Variants in CDC42BPA observed in about 807,000 individuals in gnomAD.
The protein encoded by CDC42BPA is serine/threonine-protein kinase MRCK alpha.
CDC42BPA carries 80 observed loss-of-function variants against 223.5 expected under a neutral mutation model. That is an observed-to-expected ratio of 0.36 (90% CI 0.30 to 0.43). The LOEUF is 0.43. CDC42BPA is among the 20% of genes least tolerant of loss of function. The pLI, the probability that CDC42BPA is intolerant of heterozygous loss-of-function variation, is 1.00. For synonymous variants in CDC42BPA, 694 were observed against 718.6 expected, an observed-to-expected ratio of 0.97 and a Z score of 0.55; for missense variants, 1,743 against 2,099.9, an observed-to-expected ratio of 0.83 and a Z score of 3.32.
chr1:227,088,259 T>C (rs1412991105), intron 16 of CDC42BPA, among the ~76,000 whole-genome samples: 4 of 152,226 alleles, frequency 2.6e-5, no homozygotes, highest in Admixed American at 6.5e-5. Flanking sequence ...GAAAATTAAA[T>C]GAGTTATATG....
chr1:227,071,682 T>C lies in CDC42BPA; in HGVS notation c.2827+526A>G, dbSNP rs551379827. Among the ~76,000 whole-genome samples, 8 of 149,832 alleles carry C rather than the reference T, an allele frequency of 5.3e-5. No homozygotes were observed. The South Asian group carries it at 1.7e-3, about 32-fold the overall frequency. ...AATTAATCTTCAGCTATTTCATACA[T>C]TGTTTCCTCAACTACCCTGAAAGTG... On this transcript the variant is annotated intron_variant, in intron 20 of 36. Coordinates refer to ENST00000366766, the MANE Select transcript of CDC42BPA (RefSeq NM_001394014.1).
In CDC42BPA at chr1:227,089,627, G is replaced by GTT. The variant is rs72110440; in HGVS notation, c.2355+2257_2355+2258dup. On this transcript the variant is annotated intron_variant, in intron 16 of 36. Coordinates refer to ENST00000366766, the MANE Select transcript of CDC42BPA (RefSeq NM_001394014.1). ...CAATTTAGCAAGAATGGGTAATTCC[G>GTT]TTTTTTTTTTTTTTTTTTTTTTTTA... 6.8e-3 allele frequency among the ~76,000 whole-genome samples: 795 copies of GTT among 116,642 alleles called. 7 individuals are homozygous for GTT. Among genetic ancestry groups the GTT allele is most frequent in the African/African-American group, 0.01 (317 of 30,384 alleles). 76.5% of individuals were successfully genotyped at this position (116,642 alleles called of 152,430 possible). A position where few individuals can be genotyped will look rare whatever the true frequency, so the allele number is the denominator to read the frequency against.
At chr1:227,236,386 TG>T (rs1363004722) in intron 2 of CDC42BPA, among the ~76,000 whole-genome samples, 1 of 152,174 alleles carries the variant, frequency 6.6e-6, no homozygotes, top group Non-Finnish European at 1.5e-5. Context: ...CTCTATGTCT[TG>T]ATTTTTTATC....
chr1:227,229,269 A>C (rs576839190), intron 2 of CDC42BPA, among the ~76,000 whole-genome samples: 1 of 152,290 alleles, frequency 6.6e-6, no homozygotes, highest in South Asian at 2.1e-4. Context: ...TGGAAAAAAA[A>C]CTGTTTTACC....
intron 5 of CDC42BPA, among the ~76,000 whole-genome samples, chr1:227,165,245 G>C (rs919577432): frequency 2.0e-5 from 3 of 152,154 alleles, no homozygotes; most frequent in African/African-American, 7.2e-5. Flanking sequence ...GTGAATGTAA[G>C]AAAAGACAAT....
chr1:227,034,623 T>A, intron 26 of CDC42BPA, 32 bp downstream of exon 26: 2 of 1,558,252 alleles, frequency 1.3e-6, no homozygotes, highest in Non-Finnish European at 1.7e-6. Context: ...TATGTTGCAA[T>A]GATACAAATA....
At chr1:227,037,217 T>C (rs369799030) in intron 24 of CDC42BPA, among the ~76,000 whole-genome samples, 19 of 152,346 alleles carry the variant, frequency 1.2e-4, no homozygotes, top group African/African-American at 4.1e-4. Flanking sequence ...ATTTTCTCCT[T>C]CTTTGCCTTC....
At chr1:227,174,228 A>C (rs1248570738) in intron 5 of CDC42BPA, among the ~76,000 whole-genome samples, 1 of 152,162 alleles carries the variant, frequency 6.6e-6, no homozygotes, top group Non-Finnish European at 1.5e-5. Flanking sequence ...TAGTTTCACA[A>C]TACTATAAAA....
At position 227,185,308 on chromosome 1, in the gene CDC42BPA, G is replaced by A. The variant is rs142274319; in HGVS notation, c.599+8478C>T. On this transcript the variant is annotated intron_variant, in intron 5 of 36. Coordinates refer to ENST00000366766, the MANE Select transcript of CDC42BPA (RefSeq NM_001394014.1). ...ATGAAAGCCTTGGGTCTTAGACCCG[G>A]GCTGGCAACCTTTGATATGCAAATG... Among the ~76,000 whole-genome samples the A allele has an allele frequency of 8.2e-3, 1,250 of 152,180 alleles. 4 individuals are homozygous for A. Among genetic ancestry groups the A allele is most frequent in the Non-Finnish European group, 0.012 (783 of 68,016 alleles).
intron 1 of CDC42BPA, among the ~76,000 whole-genome samples, chr1:227,289,950 T>G (rs1276241510): frequency 6.7e-6 from 1 of 149,610 alleles, no homozygotes; most frequent in African/African-American, 2.5e-5. Context: ...ACTGGGAGGC[T>G]CACTTGAGCC....
At chr1:227,189,961 C>A (rs1669447000) in intron 5 of CDC42BPA, among the ~76,000 whole-genome samples, 1 of 152,120 alleles carries the variant, frequency 6.6e-6, no homozygotes, top group Admixed American at 6.5e-5. Flanking sequence ...AATTTCATTG[C>A]CTGAAATTCA....
chr1:227,236,592 C>A (rs1481227424), intron 2 of CDC42BPA, among the ~76,000 whole-genome samples: 2 of 151,990 alleles, frequency 1.3e-5, no homozygotes, highest in Non-Finnish European at 1.5e-5. Context: ...TCATAACATA[C>A]CTACATACAA....
intron 20 of CDC42BPA, among the ~76,000 whole-genome samples, chr1:227,071,114 T>C (rs1206909077): frequency 6.6e-6 from 1 of 151,936 alleles, no homozygotes; most frequent in East Asian, 1.9e-4. Context: ...CTTCCTTTTG[T>C]TGTTAATTAA....
intron 2 of CDC42BPA, among the ~76,000 whole-genome samples, chr1:227,225,331 A>T (rs1676674518): frequency 6.6e-6 from 1 of 152,162 alleles, no homozygotes; most frequent in South Asian, 2.1e-4. Flanking sequence ...TAGATGATTA[A>T]TAAGTATTAT....
At chr1:227,281,339 C>A (rs1015134628) in intron 1 of CDC42BPA, among the ~76,000 whole-genome samples, 1 of 149,542 alleles carries the variant, frequency 6.7e-6, no homozygotes, top group South Asian at 2.1e-4. Flanking sequence ...ACTCTCACCC[C>A]AGACATGCCA....
At chr1:227,059,315 G>T in intron 21 of CDC42BPA, 2 of 1,416,986 alleles carry the variant, frequency 1.4e-6, no homozygotes, top group African/African-American at 1.4e-5. Context: ...ACAGGCAAAA[G>T]GATGAGAGAG....
intron 6 of CDC42BPA, among the ~76,000 whole-genome samples, chr1:227,158,858 G>C (rs1286840156): frequency 6.6e-6 from 1 of 152,096 alleles, no homozygotes; most frequent in Non-Finnish European, 1.5e-5. Flanking sequence ...CCCTCTCTCT[G>C]CACAATTCCC....
chr1:227,024,009 A>G (rs190375764), intron 31 of CDC42BPA, among the ~76,000 whole-genome samples: 344 of 152,350 alleles, frequency 2.3e-3, no homozygotes, highest in East Asian at 4.4e-3. Flanking sequence ...TAACTACATT[A>G]AAATTAGTAA....
Position 226,994,389 on chromosome 1 carries a change from G to A in CDC42BPA, c.5144C>T (p.Ser1715Phe). The A allele has an allele frequency of 3.2e-6, 5 of 1,558,066 alleles. No homozygotes were observed. The highest frequency in any genetic ancestry group is 4.3e-6 in the Non-Finnish European group (5 of 1,150,030). The change falls in exon 37 of 37, where the codon TCT (serine) becomes TTT (phenylalanine). Residue 1715 changes from serine to phenylalanine, a missense_variant. Physicochemically the swap from Ser to Phe is radical, Grantham distance 155. This residue lies in a region of CDC42BPA where 200 missense variants were observed against 192.8 expected (regional missense o/e 1.04). Coordinates refer to ENST00000366766, the MANE Select transcript of CDC42BPA (RefSeq NM_001394014.1). The surrounding 1 kb of genome is among the most constrained non-coding windows in gnomAD (Gnocchi z 4.0). ...ARDFDGEDSD[S>F]PRHSTASNSS... ...GTTGGAAGCTGTGGAATGCCTCGGA[G>A]AGTCAGAGTCCTGTAAGGCCCAAAG...
Sources: gnomAD v4.1 joint callset for allele counts (sites outside exome capture counted in the v4.1 genomes callset) on GRCh38, gnomAD v4.1.1 for gene constraint, gnomAD v4.1.1 regional missense constraint, Gnocchi (gnomAD v3.1) non-coding constraint, MANE v1.5 for transcripts, NCBI Gene and HGNC (gene_info 2026-07-23, HGNC 2026-07-21) for gene names.